The following G2E3 variants were observed in gnomAD, a reference collection of about 807,000 sequenced individuals.
The protein encoded by G2E3 is G2/M phase-specific E3 ubiquitin-protein ligase.
Under a neutral mutation model 92.8 loss-of-function variants are expected in G2E3, and 35 were observed. The ratio of observed to expected loss-of-function variants is 0.38; its 90% CI spans 0.29 to 0.50. The LOEUF is 0.50. Ranked by LOEUF, G2E3 falls within the 20% of genes least tolerant of loss-of-function variation. The probability of loss-of-function intolerance (pLI) is 0.94; values close to 1 mark genes in which losing one functional copy is unlikely to be tolerated. For synonymous variants in G2E3, 242 were observed against 272.4 expected (o/e 0.89, Z 1.10); for missense variants, 554 against 823.8 (o/e 0.67, Z 4.01).
intron 12 of G2E3, chr14:30,611,593 C>T (rs447614): frequency 0.49 from 73,991 of 151,744 alleles, 21,012 homozygotes; most frequent in African/African-American, 0.79. Context: ...TCAGCTGTTA[C>T]TCTTTTTCAT....
intron 7 of G2E3, 137 bp downstream of exon 7, chr14:30,597,663 TC>T (rs1215995832): frequency 2.9e-5 from 18 of 620,326 alleles, no homozygotes; most frequent in Non-Finnish European, 4.6e-5. Flanking sequence ...CAAAACCTTC[TC>T]CTCCCCCACA....
intron 12 of G2E3, among the ~76,000 whole-genome samples, chr14:30,608,749 C>G (rs1341338742): frequency 6.6e-6 from 1 of 152,238 alleles, no homozygotes; most frequent in African/African-American, 2.4e-5. Context: ...AACTTTTCTT[C>G]CTTAACCTCC....
intron 11 of G2E3, among the ~76,000 whole-genome samples, chr14:30,607,142 TA>T (rs1881866537): frequency 6.6e-6 from 1 of 152,168 alleles, no homozygotes; most frequent in Non-Finnish European, 1.5e-5. Context: ...ATGCATTTAT[TA>T]ACTGTAGATT....
At chr14:30,563,158 A>G (rs1594455859) in intron 1 of G2E3, among the ~76,000 whole-genome samples, 2 of 142,022 alleles carry the variant, frequency 1.4e-5, no homozygotes, top group South Asian at 4.3e-4. Context: ...CTCTTGGTAC[A>G]GTTTTTTTTT....
intron 13 of G2E3, among the ~76,000 whole-genome samples, chr14:30,613,062 T>G (rs1418966949): frequency 6.6e-6 from 1 of 152,226 alleles, no homozygotes; most frequent in Non-Finnish European, 1.5e-5. Context: ...GTTCTTTGAT[T>G]AACAAGGTAT....
chr14:30,599,540 A>T (rs1168903436), intron 8 of G2E3, among the ~76,000 whole-genome samples: 1 of 152,002 alleles, frequency 6.6e-6, no homozygotes, highest in Admixed American at 6.6e-5. Context: ...ATTACCTCTT[A>T]AAAGGCCTTA....
chr14:30,576,268 G>A (rs1157852199), intron 1 of G2E3, among the ~76,000 whole-genome samples: 2 of 152,156 alleles, frequency 1.3e-5, no homozygotes, highest in African/African-American at 4.8e-5. Context: ...AAGCAATAGG[G>A]AAAAGACTCT....
At chr14:30,597,637 T>G in intron 7 of G2E3, 111 bp downstream of exon 7, 1 of 682,274 alleles carries the variant, frequency 1.5e-6, no homozygotes, top group Non-Finnish European at 2.6e-6. Flanking sequence ...AGGTAGCCAT[T>G]TCAAATGGTG....
intron 6 of G2E3, among the ~76,000 whole-genome samples, chr14:30,595,232 G>A (rs555644940): frequency 6.6e-6 from 1 of 152,240 alleles, no homozygotes; most frequent in African/African-American, 2.4e-5. Flanking sequence ...ATCCTAGAGA[G>A]TGCAGTTAAT....
chr14:30,561,865 C>T (rs1879120886), intron 1 of G2E3, among the ~76,000 whole-genome samples: 1 of 148,360 alleles, frequency 6.7e-6, no homozygotes. Flanking sequence ...TTTTTTAAGG[C>T]TTGGCTTTTT....
At chr14:30,583,354 A>C (rs1238246476) in intron 2 of G2E3, among the ~76,000 whole-genome samples, 3 of 152,178 alleles carry the variant, frequency 2.0e-5, no homozygotes, top group African/African-American at 7.2e-5. Context: ...GCATAGTTTG[A>C]GGTAGGTACT....
chr14:30,569,266 C>A lies in G2E3; in HGVS notation c.-5+9994C>A, dbSNP rs116112126. Among the ~76,000 whole-genome samples, 1,303 of 152,250 alleles carry A rather than the reference C, an allele frequency of 8.6e-3. 26 individuals carry two copies. The highest frequency in any genetic ancestry group is 0.03 in the African/African-American group (1,261 of 41,548). On this transcript the variant is annotated intron_variant, in intron 1 of 14. Transcript: ENST00000206595. ...TGGTCTTTCTTGATCTCAGAAACTT[C>A]TGATCTTTCTGAATTCCTTTCACCC...
intron 7 of G2E3, among the ~76,000 whole-genome samples, chr14:30,597,909 A>G (rs1881368145): frequency 6.6e-6 from 1 of 152,232 alleles, no homozygotes; most frequent in African/African-American, 2.4e-5. Flanking sequence ...TAAAATTAAA[A>G]ATCGAAAGTG....
intron 13 of G2E3, among the ~76,000 whole-genome samples, chr14:30,612,657 A>G (rs1455573429): frequency 6.6e-6 from 1 of 152,116 alleles, no homozygotes; most frequent in African/African-American, 2.4e-5. Flanking sequence ...CAGGAGTTTG[A>G]GACCAGCCTG....
rs1880888369 is a variant in G2E3 at position 30,589,431 on chromosome 14, T to C, written c.184T>C (p.Tyr62His). The C allele has an allele frequency of 1.9e-6, 3 of 1,605,376 alleles. No individual in the cohort carries two copies. Among genetic ancestry groups the C allele is most frequent in the African/African-American group, 1.3e-5 (1 of 74,708 alleles). The change falls in exon 4 of 15, where the codon TAT becomes CAT. Residue 62 changes from tyrosine (Y) to histidine (H), a missense_variant. Transcript: ENST00000206595. ...WQRGKEEEGV[Y>H]GFLIEDIRKE... is the part of the protein sequence containing the mutation. The stretch of plus-strand genomic sequence containing the variant: ...GAGAGGCAAAGAAGAAGAAGGAGTT[T>C]ATGGTTTTCTAATAGAAGATATCAG...
chr14:30,579,513 G>T (rs1479489720), intron 1 of G2E3, among the ~76,000 whole-genome samples: 2 of 152,036 alleles, frequency 1.3e-5, no homozygotes, highest in East Asian at 3.8e-4. Flanking sequence ...TTGTAAGGAA[G>T]CATTGTATAA....
intron 1 of G2E3, 121 bp from the exon 2 acceptor site, chr14:30,580,955 A>G: frequency 4.6e-6 from 3 of 655,844 alleles, no homozygotes; most frequent in Non-Finnish European, 8.3e-6. Context: ...AAGGTAAGAA[A>G]AATTTAAATA....
At chr14:30,563,598 G>A (rs1360823853) in intron 1 of G2E3, among the ~76,000 whole-genome samples, 1 of 152,102 alleles carries the variant, frequency 6.6e-6, no homozygotes. Flanking sequence ...GGAGCCAATG[G>A]GTGGTAGGGT....
chr14:30,572,393 G>A (rs1307079199), intron 1 of G2E3, among the ~76,000 whole-genome samples: 9 of 152,146 alleles, frequency 5.9e-5, no homozygotes, highest in Admixed American at 2.0e-4. Context: ...TTTACCCACA[G>A]TTTGCTTTAC....
Sources: gnomAD v4.1 joint callset for allele counts (sites outside exome capture counted in the v4.1 genomes callset) on GRCh38, gnomAD v4.1.1 for gene constraint, MANE v1.5 for transcripts, NCBI Gene and HGNC (gene_info 2026-07-23, HGNC 2026-07-21) for gene names.